Variants in TRIM5 observed in about 807,000 individuals in gnomAD.
TRIM5 encodes the protein tripartite motif containing 5, also known as tripartite motif-containing protein 5.
TRIM5 carries 31 observed loss-of-function variants against 35.6 expected under a neutral mutation model. The observed-to-expected ratio is 0.87, with a 90% CI of 0.65 to 1.18. The LOEUF is 1.18. Among genes scored for constraint, TRIM5 ranks in the 50% most tolerant of loss-of-function variants. The pLI, the probability that TRIM5 is intolerant of heterozygous loss-of-function variation, is 0.00. For missense variants in TRIM5, 609 were observed against 591.6 expected, an observed-to-expected ratio of 1.03 and a Z score of -0.31; for synonymous variants, 243 against 215.6, an observed-to-expected ratio of 1.13 and a Z score of -1.11.
the TRIM5 span, among the ~76,000 whole-genome samples, chr11:5,630,030 C>G: frequency 6.6e-6 from 1 of 152,054 alleles, no homozygotes; most frequent in Non-Finnish European, 1.5e-5. Context: ...TACGGTGGTA[C>G]AAGACCATGT....
the TRIM5 span, chr11:5,611,028 T>G: frequency 1.2e-6 from 2 of 1,614,168 alleles, no homozygotes; most frequent in Non-Finnish European, 1.7e-6. Context: ...TTTCAACCAT[T>G]TTGCTCAAAA....
At chr11:5,592,936 AAGAAAAAGAAAAAAGAAGAAAAAATG>A in the TRIM5 span, among the ~76,000 whole-genome samples, 7,954 of 138,998 alleles carry the variant, frequency 0.057, 358 homozygotes, top group Non-Finnish European at 0.087. Context: ...AAAAAGAAAA[AAGAAAAAGAAAAAAGAAGAAAAAATG>A]AGAGGAAAGT....
chr11:5,665,139 C>G lies in TRIM5; in HGVS notation c.1152G>C (p.Met384Ile). The change falls in exon 8 of 8, where the codon ATG (methionine) becomes ATC (isoleucine). Residue 384 changes from methionine to isoleucine, a missense_variant. Coordinates refer to ENST00000380034, the MANE Select transcript of TRIM5 (RefSeq NM_033034.3). The stretch of plus-strand genomic sequence containing the variant: ...AATTTTCATTTTTTTCAATATTACA[C>G]ATTGCATCAGGTTGGAAGCCAGCAC... ...GVCAGFQPDA[M>I]CNIEKNENYQ... The G allele has an allele frequency of 1.2e-6, 2 of 1,614,066 alleles. No homozygotes were observed. Among genetic ancestry groups the G allele is most frequent in the Non-Finnish European group, 1.7e-6 (2 of 1,179,990 alleles).
the TRIM5 span, among the ~76,000 whole-genome samples, chr11:5,649,665 T>C: frequency 1.3e-5 from 2 of 152,150 alleles, no homozygotes; most frequent in African/African-American, 4.8e-5. Context: ...AAAGCATTCT[T>C]CCTTTTGGAA....
the TRIM5 span, chr11:5,634,530 C>CACACACATATATAT: frequency 1.2e-4 from 31 of 262,034 alleles, no homozygotes; most frequent in African/African-American, 9.9e-4. Context: ...CACACACACA[C>CACACACATATATAT]ATATATATAT....
chr11:5,668,601 C>G (rs903240478), intron 4 of TRIM5, among the ~76,000 whole-genome samples: 4 of 152,090 alleles, frequency 2.6e-5, no homozygotes, highest in Middle Eastern at 3.4e-3. Context: ...TGGCGCCCAC[C>G]ATAATGCCCG....
the TRIM5 span, among the ~76,000 whole-genome samples, chr11:5,591,598 T>C: frequency 2.6e-5 from 4 of 151,662 alleles, no homozygotes; most frequent in Admixed American, 6.6e-5. Context: ...CACTGAGCCA[T>C]GATCGTGCCA....
At chr11:5,661,727 T>A (rs1308205386), downstream of TRIM5, among the ~76,000 whole-genome samples, 1 of 152,184 alleles carries the variant, frequency 6.6e-6, no homozygotes, top group African/African-American at 2.4e-5. Context: ...GAGCACAGGT[T>A]GCCTTCTTCA....
the TRIM5 span, chr11:5,604,553 T>C: frequency 6.2e-7 from 1 of 1,612,928 alleles, no homozygotes; most frequent in East Asian, 2.2e-5. Context: ...CAGGAGTCTC[T>C]AAAGAAGCTG....
the TRIM5 span, among the ~76,000 whole-genome samples, chr11:5,621,673 C>G: frequency 7.2e-5 from 11 of 152,208 alleles, no homozygotes; most frequent in Admixed American, 5.2e-4. Flanking sequence ...AAAAGTCAAG[C>G]TGGGAACTGC....
rs200808185 is a variant in TRIM5 at position 5,678,482 on chromosome 11, G to T, written c.514-48C>A. The T allele has an allele frequency of 1.3e-5, 19 of 1,438,022 alleles. No individual in the cohort carries two copies. The African/African-American group carries it at 2.7e-4, about 21-fold the overall frequency. The allele number at this position is 1,438,022 out of a possible 1,614,324, so 89.1% of individuals were successfully genotyped here. ...AGGGGCACTCAGTCTACCAGGCAGA[G>T]GCTGTTAGCCAGAAAAGGAGCTGTT... On this transcript the variant is annotated intron_variant, in intron 3 of 7. Coordinates refer to ENST00000380034, the MANE Select transcript of TRIM5 (RefSeq NM_033034.3).
intron 4 of TRIM5, among the ~76,000 whole-genome samples, chr11:5,670,330 A>G (rs939608586): frequency 1.4e-5 from 2 of 143,416 alleles, no homozygotes; most frequent in Admixed American, 7.1e-5. Context: ...GGCTCCCACC[A>G]CCACACCCAG....
At chr11:5,643,539 G>A in the TRIM5 span, 1 of 1,614,058 alleles carries the variant, frequency 6.2e-7, no homozygotes, top group Non-Finnish European at 8.5e-7. Flanking sequence ...TCCCTGCCGT[G>A]TTGGGGTTTT....
chr11:5,638,776 G>A, the TRIM5 span, among the ~76,000 whole-genome samples: 599 of 152,310 alleles, frequency 3.9e-3, 2 homozygotes, highest in Middle Eastern at 0.027. Context: ...TACCTGTACA[G>A]AATGAAGTCT....
At chr11:5,658,329 C>G (rs1332191793), downstream of TRIM5, among the ~76,000 whole-genome samples, 3 of 152,212 alleles carry the variant, frequency 2.0e-5, no homozygotes. Context: ...AATCCACCTT[C>G]CTACTCCATC....
chr11:5,655,181 G>A, the TRIM5 span, among the ~76,000 whole-genome samples: 6 of 146,512 alleles, frequency 4.1e-5, no homozygotes, highest in African/African-American at 7.6e-5. Flanking sequence ...CAACAAGAGC[G>A]AAACTCCGTC....
At chr11:5,632,617 C>T in the TRIM5 span, 6 of 1,613,270 alleles carry the variant, frequency 3.7e-6, no homozygotes, top group Non-Finnish European at 5.1e-6. Context: ...GAAGAGAGAT[C>T]TCTGTGATCA....
At chr11:5,675,725 A>T (rs1214258463) in intron 4 of TRIM5, among the ~76,000 whole-genome samples, 1 of 147,592 alleles carries the variant, frequency 6.8e-6, no homozygotes, top group East Asian at 2.0e-4. Context: ...TTATACTTTA[A>T]GTTTTAGAGT....
the TRIM5 span, chr11:5,611,407 T>C: frequency 1.6e-6 from 2 of 1,252,484 alleles, no homozygotes; most frequent in Non-Finnish European, 2.2e-6. Flanking sequence ...TGATTCTCCC[T>C]TCTGATCTTC....
Sources: gnomAD v4.1 joint callset for allele counts (sites outside exome capture counted in the v4.1 genomes callset) on GRCh38, gnomAD v4.1.1 for gene constraint, MANE v1.5 for transcripts, NCBI Gene and HGNC (gene_info 2026-07-23, HGNC 2026-07-21) for gene names.